Variants in DLEC1 observed in about 807,000 individuals in gnomAD.
The protein encoded by DLEC1 is DLEC1 cilia and flagella associated protein.
DLEC1 carries 146 observed loss-of-function variants against 198.1 expected under a neutral mutation model. The observed-to-expected ratio is 0.74, with a 90% CI of 0.64 to 0.85. DLEC1 has a LOEUF of 0.85. DLEC1 is among the 40% of genes least tolerant of loss of function. The pLI, the probability that DLEC1 is intolerant of heterozygous loss-of-function variation, is 0.00. For missense variants in DLEC1, 2,233 were observed against 2,220.0 expected (o/e 1.01, Z -0.12); for synonymous variants, 897 against 866.8 (o/e 1.03, Z -0.61).
Position 38,111,736 on chromosome 3 carries a change from G to A in DLEC1, c.3503G>A (p.Arg1168Gln), listed in dbSNP as rs770512426. The change falls in exon 24 of 37, where the codon CGA becomes CAA. Residue 1168 changes from arginine to glutamine, a missense_variant. Coordinates refer to ENST00000308059, the MANE Select transcript of DLEC1 (RefSeq NM_007335.4). ...CGGATGCAAGAGCACCTGGCCAAGCGAGAGCAGCTGGGTAAGCGCCACCAG... is the reference window on the plus strand; with the variant it reads ...CGGATGCAAGAGCACCTGGCCAAGCAAGAGCAGCTGGGTAAGCGCCACCAG... ...TVRMQEHLAK[R>Q]EQLDFMESML... 7 of 1,612,244 alleles carry A rather than the reference G, an allele frequency of 4.3e-6. No homozygotes were observed. Among genetic ancestry groups the A allele is most frequent in the Admixed American group, 3.3e-5 (2 of 59,990 alleles).
At position 38,060,585 on chromosome 3, in the gene DLEC1, G is replaced by C. The variant is rs1187121989; in HGVS notation, c.673+733G>C. On this transcript the variant is annotated intron_variant, in intron 3 of 36. Coordinates refer to ENST00000308059, the MANE Select transcript of DLEC1 (RefSeq NM_007335.4). ...TTTGGGGTGGGAGGATTGGGATCTA[G>C]AAAATTGAGGGTGCTCCTGGGGAGA... Among the ~76,000 whole-genome samples the C allele has an allele frequency of 1.3e-5, 2 of 152,170 alleles. 1 individual carries two copies. Among genetic ancestry groups the C allele is most frequent in the Non-Finnish European group, 2.9e-5 (2 of 68,030 alleles).
chr3:38,073,276 G>A (rs1697424211), intron 6 of DLEC1, among the ~76,000 whole-genome samples: 1 of 152,370 alleles, frequency 6.6e-6, no homozygotes, highest in East Asian at 1.9e-4. Context: ...GAACTAATCT[G>A]TAAGACTTGT....
intron 10 of DLEC1, among the ~76,000 whole-genome samples, 156 bp downstream of exon 10, chr3:38,088,544 A>C (rs187574675): frequency 2.0e-5 from 3 of 152,300 alleles, no homozygotes; most frequent in Admixed American, 6.5e-5. Flanking sequence ...GTGATGTCAG[A>C]TGTCATTTGA....
At chr3:38,059,021 A>G (rs1322330708) in intron 2 of DLEC1, among the ~76,000 whole-genome samples, 1 of 152,152 alleles carries the variant, frequency 6.6e-6, no homozygotes, top group East Asian at 1.9e-4. Context: ...ATAAATAATA[A>G]TGTGTTTGCT....
intron 2 of DLEC1, among the ~76,000 whole-genome samples, chr3:38,049,909 C>G (rs1436345667): frequency 6.6e-6 from 1 of 152,110 alleles, no homozygotes; most frequent in African/African-American, 2.4e-5. Flanking sequence ...AAGGAGAGAC[C>G]AGGGAGTACA....
intron 6 of DLEC1, among the ~76,000 whole-genome samples, chr3:38,080,637 CAT>C (rs1273243168): frequency 6.6e-6 from 1 of 151,886 alleles, no homozygotes; most frequent in Admixed American, 6.6e-5. Context: ...GAAAACAAGG[CAT>C]TTAGGTTTTA....
chr3:38,076,179 G>A (rs529836584), intron 6 of DLEC1, among the ~76,000 whole-genome samples: 1 of 152,166 alleles, frequency 6.6e-6, no homozygotes, highest in African/African-American at 2.4e-5. Context: ...GAGGTTGAGG[G>A]ATAGTGAGGG....
At position 38,123,027 on chromosome 3, in the gene DLEC1, C is replaced by G; in HGVS notation, c.*615C>G. 3 of 1,613,506 alleles carry G rather than the reference C, an allele frequency of 1.9e-6. No individual in the cohort carries two copies. The highest frequency in any genetic ancestry group is 2.5e-6 in the Non-Finnish European group (3 of 1,179,592). On this transcript the variant is annotated 3_prime_UTR_variant, in exon 37 of 37. Transcript: ENST00000308059. Reference sequence around the variant, plus strand: ...GAGCAGCAGGACTGTCTGCGTAGCGCCTCCAGCCTGGGACCTCACTCAGTT... The same window carrying G: ...GAGCAGCAGGACTGTCTGCGTAGCGGCTCCAGCCTGGGACCTCACTCAGTT...
At chr3:38,118,265 C>T (rs2125747655) in intron 33 of DLEC1, among the ~76,000 whole-genome samples, 1 of 152,334 alleles carries the variant, frequency 6.6e-6, no homozygotes, top group East Asian at 1.9e-4. Context: ...TACATGCATG[C>T]ACGTGCTCCA....
At chr3:38,050,696 G>A (rs1701074131) in intron 2 of DLEC1, among the ~76,000 whole-genome samples, 1 of 152,204 alleles carries the variant, frequency 6.6e-6, no homozygotes, top group Non-Finnish European at 1.5e-5. Flanking sequence ...AAAAATTTCA[G>A]TATAAGATTT....
chr3:38,039,780 C>G, intron 1 of DLEC1, 144 bp downstream of exon 1: 1 of 1,100,244 alleles, frequency 9.1e-7, no homozygotes, highest in African/African-American at 1.6e-5. Context: ...GTGGGCCCGA[C>G]ATTCTAGTGG....
At chr3:38,108,276 G>C in intron 20 of DLEC1, 129 bp from the exon 21 acceptor site, 1 of 721,658 alleles carries the variant, frequency 1.4e-6, no homozygotes, top group Non-Finnish European at 2.4e-6. Flanking sequence ...ACCCAGCCCT[G>C]TCGGTTTTGC....
intron 1 of DLEC1, among the ~76,000 whole-genome samples, chr3:38,041,118 C>T (rs1008285701): frequency 2.6e-5 from 4 of 152,128 alleles, no homozygotes; most frequent in African/African-American, 9.7e-5. Context: ...TCATGCCATT[C>T]TCCTGCCTCA....
At chr3:38,097,331 A>C (rs774897434) in intron 16 of DLEC1, 56 bp downstream of exon 16, 75 of 1,548,912 alleles carry the variant, frequency 4.8e-5, no homozygotes, top group Non-Finnish European at 5.6e-5. Flanking sequence ...CTCAGGAAGA[A>C]ATCTTCAGAG....
chr3:38,067,541 A>G (rs1171364587), intron 6 of DLEC1, among the ~76,000 whole-genome samples: 1 of 152,202 alleles, frequency 6.6e-6, no homozygotes, highest in Admixed American at 6.5e-5. Flanking sequence ...CTTGTTCCAC[A>G]ATGTCTGAGG....
chr3:38,095,465 A>G (rs932827400), intron 13 of DLEC1: 6 of 303,824 alleles, frequency 2.0e-5, no homozygotes, highest in African/African-American at 1.1e-4. Flanking sequence ...CCTGTGGGCC[A>G]CGGTAGGCTA....
intron 2 of DLEC1, among the ~76,000 whole-genome samples, chr3:38,058,017 G>A (rs1251744650): frequency 2.6e-5 from 4 of 151,824 alleles, no homozygotes; most frequent in East Asian, 1.9e-4. Flanking sequence ...GGGTTTCACC[G>A]TGGTCTCGAT....
chr3:38,085,223 T>C (rs753463334), intron 7 of DLEC1, 51 bp from the exon 8 acceptor site: 10 of 1,606,078 alleles, frequency 6.2e-6, no homozygotes, highest in African/African-American at 2.7e-5. Context: ...GCTCAAGCCC[T>C]GGTGGCTGGC....
intron 24 of DLEC1, 63 bp downstream of exon 24, chr3:38,111,810 G>A (rs532142658): frequency 3.2e-5 from 50 of 1,563,120 alleles, no homozygotes; most frequent in Middle Eastern, 4.4e-4. Context: ...GCCTTCTGTG[G>A]ATGTGGGCTG....
Sources: allele counts gnomAD v4.1 joint callset (sites outside exome capture counted in the v4.1 genomes callset), GRCh38; gene constraint gnomAD v4.1.1; transcripts MANE v1.5; gene names NCBI Gene and HGNC (gene_info 2026-07-23, HGNC 2026-07-21).